Variants in ADGRL3 observed in about 807,000 individuals in gnomAD.
The protein encoded by ADGRL3 is adhesion G protein-coupled receptor L3.
ADGRL3 carries 62 observed loss-of-function variants against 153.5 expected under a neutral mutation model. The observed-to-expected ratio is 0.40, with a 90% CI of 0.33 to 0.50. The LOEUF (loss-of-function observed/expected upper bound fraction) is 0.50, where lower values mean the gene tolerates loss of function less well. Among genes scored for constraint, ADGRL3 ranks in the 20% least tolerant of loss-of-function variants. ADGRL3 has a pLI of 0.47. For synonymous variants in ADGRL3, 710 were observed against 672.5 expected (o/e 1.06, Z -0.86); for missense variants, 1,641 against 1,859.4 (o/e 0.88, Z 2.16).
chr4:61,337,407 A>C (rs1175126987), intron 1 of ADGRL3, among the ~76,000 whole-genome samples: 1 of 152,138 alleles, frequency 6.6e-6, no homozygotes, highest in East Asian at 1.9e-4. Flanking sequence ...TGCAGTTAGA[A>C]TCAAGGCCCC....
At chr4:61,521,583 C>G (rs2098531362) in intron 4 of ADGRL3, among the ~76,000 whole-genome samples, 1 of 152,054 alleles carries the variant, frequency 6.6e-6, no homozygotes, top group Non-Finnish European at 1.5e-5. Flanking sequence ...ATAGACGAGT[C>G]TGTTCTATTG....
rs113664666 is a variant in ADGRL3, at chr4:61,390,696, A to G, written c.-174+7507A>G. Among the ~76,000 whole-genome samples the G allele has an allele frequency of 1.6e-3, 245 of 152,248 alleles. 2 individuals are homozygous for G. Among genetic ancestry groups the G allele is most frequent in the African/African-American group, 5.6e-3 (232 of 41,542 alleles). On this transcript the variant is annotated intron_variant, in intron 2 of 26. Transcript: ENST00000683033. Reference sequence around the variant, plus strand: ...TTATGCTTGTAGTCTTTTTGTTTGTATGCTTTGTTTTCTGTAGAAAATTCT... The same window carrying G: ...TTATGCTTGTAGTCTTTTTGTTTGTGTGCTTTGTTTTCTGTAGAAAATTCT...
chr4:61,678,127 A>G (rs920898950), intron 6 of ADGRL3, among the ~76,000 whole-genome samples: 1 of 151,942 alleles, frequency 6.6e-6, no homozygotes, highest in South Asian at 2.1e-4. Flanking sequence ...ATGAAAAGGT[A>G]AAGCCCCTAC....
rs372457305 is a variant in ADGRL3 at position 61,884,413 on chromosome 4, A to G, written c.1481-8243A>G. On this transcript the variant is annotated intron_variant, in intron 9 of 26. Coordinates refer to ENST00000683033, the MANE Select transcript of ADGRL3 (RefSeq NM_001387552.1). ...AAATGCTCAAGAAATGCCAGAGATT[A>G]TTTCACACTATTGTTTCCTTGTTGT... Among the ~76,000 whole-genome samples the G allele has an allele frequency of 7.2e-5, 11 of 152,258 alleles. 1 individual carries two copies. Among genetic ancestry groups the G allele is most frequent in the African/African-American group, 2.6e-4 (11 of 41,568 alleles).
chr4:62,053,012 G>C (rs1005826070), intron 25 of ADGRL3, among the ~76,000 whole-genome samples: 3 of 151,356 alleles, frequency 2.0e-5, no homozygotes, highest in African/African-American at 7.2e-5. Flanking sequence ...AATAAAACTT[G>C]AACTGTGTCT....
chr4:61,869,709 C>T lies in ADGRL3; in HGVS notation c.1481-22947C>T, dbSNP rs186420100. 8.6e-3 allele frequency among the ~76,000 whole-genome samples: 1,308 copies of T among 151,572 alleles called. 9 individuals carry two copies. The highest frequency in any genetic ancestry group is 0.014 in the Middle Eastern group (4 of 292). ...ATCCCAACACTTTGGGAGGCTGAGG[C>T]GGGCGGATCACCTGAGGTCGGGAGT... On this transcript the variant is annotated intron_variant, in intron 9 of 26. Coordinates refer to ENST00000683033, the MANE Select transcript of ADGRL3 (RefSeq NM_001387552.1).
At chr4:61,279,802 G>C (rs1385556388) in intron 1 of ADGRL3, among the ~76,000 whole-genome samples, 1 of 152,050 alleles carries the variant, frequency 6.6e-6, no homozygotes, top group East Asian at 1.9e-4. Flanking sequence ...TCAGGAAATT[G>C]ATATCAAGTG....
intron 1 of ADGRL3, among the ~76,000 whole-genome samples, chr4:61,240,505 A>G (rs1178573886): frequency 6.6e-6 from 1 of 152,164 alleles, no homozygotes; most frequent in Non-Finnish European, 1.5e-5. Flanking sequence ...TTTTTCTTTC[A>G]AATAAAGTAG....
At chr4:61,619,886 A>T (rs2092372419) in intron 5 of ADGRL3, among the ~76,000 whole-genome samples, 1 of 152,228 alleles carries the variant, frequency 6.6e-6, no homozygotes, top group African/African-American at 2.4e-5. Context: ...CTAGCTAAGC[A>T]AAAATGTGCA....
intron 8 of ADGRL3, among the ~76,000 whole-genome samples, chr4:61,760,235 G>C (rs1205202584): frequency 6.6e-6 from 1 of 152,092 alleles, no homozygotes; most frequent in African/African-American, 2.4e-5. Context: ...CCTTTTGTTT[G>C]GCTATTCCCT....
At chr4:61,565,536 CTT>C (rs907210957) in intron 4 of ADGRL3, among the ~76,000 whole-genome samples, 1 of 144,894 alleles carries the variant, frequency 6.9e-6, no homozygotes, top group African/African-American at 2.5e-5. Flanking sequence ...TGGATTTGGG[CTT>C]TTTTTTTTTC....
At chr4:61,419,400 G>A (rs1245293248) in intron 2 of ADGRL3, among the ~76,000 whole-genome samples, 8 of 150,570 alleles carry the variant, frequency 5.3e-5, no homozygotes, top group South Asian at 4.3e-4. Flanking sequence ...GTTCAGGGTC[G>A]CCAGTGGCCA....
chr4:61,675,671 A>ATTTATTTATTTATTTATTTG (rs1430658148), intron 5 of ADGRL3, among the ~76,000 whole-genome samples: 1 of 147,582 alleles, frequency 6.8e-6, no homozygotes, highest in African/African-American at 2.5e-5. Flanking sequence ...TTATTTATTT[A>ATTTATTTATTTATTTATTTG]TTTTTGTGGG....
At chr4:61,795,655 C>G (rs1319641291) in intron 8 of ADGRL3, among the ~76,000 whole-genome samples, 1 of 152,114 alleles carries the variant, frequency 6.6e-6, no homozygotes, top group Non-Finnish European at 1.5e-5. Flanking sequence ...TACTTTTCAG[C>G]TGTTCATGGG....
chr4:61,605,639 T>TAA (rs761872522), intron 5 of ADGRL3, among the ~76,000 whole-genome samples: 23 of 152,300 alleles, frequency 1.5e-4, no homozygotes, highest in South Asian at 4.1e-4. Context: ...ATTTCAAACT[T>TAA]AACATATAAG....
chr4:61,394,376 G>A (rs2096846104), intron 2 of ADGRL3, among the ~76,000 whole-genome samples: 1 of 152,004 alleles, frequency 6.6e-6, no homozygotes, highest in Admixed American at 6.6e-5. Context: ...ATCTGAGATG[G>A]ATGGCTGGAT....
At chr4:61,869,936 TAAAA>T (rs1190618911) in intron 9 of ADGRL3, among the ~76,000 whole-genome samples, 138 of 10,492 alleles carry the variant, frequency 0.013, no homozygotes, top group Non-Finnish European at 0.025. Flanking sequence ...AAAACTTTGT[TAAAA>T]AAAAAAAAAA....
At chr4:61,569,335 T>G (rs1000963371) in intron 4 of ADGRL3, among the ~76,000 whole-genome samples, 80 of 152,186 alleles carry the variant, frequency 5.3e-4, no homozygotes, top group African/African-American at 1.9e-3. Context: ...TTATAGTATA[T>G]TTATACAGTT....
chr4:61,733,175 A>T lies in ADGRL3; in HGVS notation c.1020A>T (p.Leu340=), dbSNP rs780297077. ...ACCTGGCAGTAGATGAGAATGGGCT[A>T]TGGGTAATCTATGCAACAGAACAAA... ...DIDLAVDENG[L]WVIYATEQNN... Residue 340 remains leucine (L), a synonymous_variant, in exon 8 of 27, where the codon CTA becomes CTT. Coordinates refer to ENST00000683033, the MANE Select transcript of ADGRL3 (RefSeq NM_001387552.1). 2 of 1,613,334 alleles carry T rather than the reference A, an allele frequency of 1.2e-6. No individual in the cohort carries two copies. The highest frequency in any genetic ancestry group is 4.5e-5 in the East Asian group (2 of 44,864).
Sources: gnomAD v4.1 joint callset for allele counts (sites outside exome capture counted in the v4.1 genomes callset) on GRCh38, gnomAD v4.1.1 for gene constraint, MANE v1.5 for transcripts, NCBI Gene and HGNC (gene_info 2026-07-23, HGNC 2026-07-21) for gene names.